Variants in LNX2 observed in about 807,000 individuals in gnomAD.
LNX2 encodes the protein ligand of Numb protein X 2.
LNX2 carries 35 observed loss-of-function variants against 66.2 expected under a neutral mutation model. That is an observed-to-expected ratio of 0.53 (90% CI 0.40 to 0.70). LNX2 has a LOEUF of 0.70. Among genes scored for constraint, LNX2 ranks in the 30% least tolerant of loss-of-function variants. The pLI is 0.00. For missense variants in LNX2, 791 were observed against 850.8 expected (o/e 0.93, Z 0.87); for synonymous variants, 337 against 315.6 (o/e 1.07, Z -0.72).
At chr13:27,594,524 CTTCATTTGTATAG>C (rs762779640) in intron 1 of LNX2, among the ~76,000 whole-genome samples, 8 of 152,000 alleles carry the variant, frequency 5.3e-5, no homozygotes, top group African/African-American at 1.9e-4. Flanking sequence ...CCTCTATTTT[CTTCATTTGTATAG>C]TTCATTTGTA....
intron 1 of LNX2, among the ~76,000 whole-genome samples, chr13:27,595,885 T>G (rs2138438043): frequency 6.6e-6 from 1 of 152,318 alleles, no homozygotes; most frequent in South Asian, 2.1e-4. Context: ...AACAACATAC[T>G]TAGAGCTGTT....
At chr13:27,587,699 A>G (rs996972824) in intron 1 of LNX2, among the ~76,000 whole-genome samples, 11 of 152,222 alleles carry the variant, frequency 7.2e-5, no homozygotes, top group African/African-American at 2.4e-4. Context: ...TATATGTCAC[A>G]TATCAGCTTT....
At chr13:27,585,841 G>A (rs907103084) in intron 1 of LNX2, among the ~76,000 whole-genome samples, 6 of 151,856 alleles carry the variant, frequency 4.0e-5, no homozygotes, top group African/African-American at 1.2e-4. Flanking sequence ...AAGTATTTAA[G>A]ACGATTATAT....
intron 1 of LNX2, among the ~76,000 whole-genome samples, chr13:27,589,684 C>T (rs1405008185): frequency 1.3e-5 from 2 of 152,150 alleles, no homozygotes; most frequent in East Asian, 1.9e-4. Flanking sequence ...CTGATTCCTA[C>T]ACTGAAGACA....
chr13:27,564,062 T>C (rs1955174027), intron 4 of LNX2, among the ~76,000 whole-genome samples: 1 of 152,228 alleles, frequency 6.6e-6, no homozygotes, highest in South Asian at 2.1e-4. Context: ...TTTCCAACTA[T>C]TTAGCTACAA....
intron 2 of LNX2, among the ~76,000 whole-genome samples, chr13:27,570,414 C>T (rs575742162): frequency 6.6e-6 from 1 of 152,318 alleles, no homozygotes; most frequent in South Asian, 2.1e-4. Context: ...TATTTTCCCT[C>T]CTGAACTAAA....
intron 6 of LNX2, 108 bp from the exon 7 acceptor site, chr13:27,556,521 AT>A: frequency 1.1e-6 from 1 of 923,666 alleles, no homozygotes; most frequent in African/African-American, 1.7e-5. Flanking sequence ...TAAAGTAATT[AT>A]TTTTTATTCC....
At chr13:27,574,278 C>T (rs1955319215) in intron 2 of LNX2, among the ~76,000 whole-genome samples, 1 of 152,166 alleles carries the variant, frequency 6.6e-6, no homozygotes, top group Non-Finnish European at 1.5e-5. Context: ...AACCCCGTCT[C>T]TACTAAAAAT....
In LNX2 at chr13:27,583,236, G is replaced by C. The variant is rs1330970616; in HGVS notation, c.-100-1433C>G. On this transcript the variant is annotated intron_variant, in intron 1 of 9. Transcript: ENST00000316334. ...TGTGTGTGTGTGTGTGTGTGTGTGT[G>C]TGTGTGTGTGTGTGTGTGTGCGCGC... 1.4e-3 allele frequency among the ~76,000 whole-genome samples: 31 copies of C among 21,812 alleles called. 7 individuals carry two copies. Among genetic ancestry groups the C allele is most frequent in the African/African-American group, 4.3e-3 (20 of 4,652 alleles). 14.3% of individuals were successfully genotyped at this position (21,812 alleles called of 152,430 possible).
At chr13:27,611,388 G>A (rs575540327) in intron 1 of LNX2, among the ~76,000 whole-genome samples, 95 of 152,228 alleles carry the variant, frequency 6.2e-4, no homozygotes, top group Non-Finnish European at 1.1e-3. Flanking sequence ...ATTTACATGC[G>A]GTATCTAAAG....
chr13:27,591,491 C>G (rs749196843), intron 1 of LNX2, among the ~76,000 whole-genome samples: 13 of 152,182 alleles, frequency 8.5e-5, no homozygotes, highest in Non-Finnish European at 1.8e-4. Context: ...TATTACCTGC[C>G]TTTCTGACAT....
At chr13:27,578,583 C>T (rs1424331908) in intron 2 of LNX2, among the ~76,000 whole-genome samples, 2 of 152,110 alleles carry the variant, frequency 1.3e-5, no homozygotes, top group South Asian at 4.1e-4. Context: ...GGATGCCAGG[C>T]AACTTCAAGG....
At chr13:27,617,454 CAA>C (rs1955839372) in intron 1 of LNX2, among the ~76,000 whole-genome samples, 1 of 152,044 alleles carries the variant, frequency 6.6e-6, no homozygotes, top group African/African-American at 2.4e-5. Flanking sequence ...CCTCATAATA[CAA>C]TTTAAAGATA....
At position 27,569,235 on chromosome 13, in the gene LNX2, C is replaced by T. The variant is rs1955246959; in HGVS notation, c.449G>A (p.Arg150Lys). Reference sequence around the variant, plus strand: ...CTCTGCTTGAGTTCTACTAGTTTTCCTTCTCTCCAGGGCAACTCTCCGATG... The same window carrying T: ...CTCTGCTTGAGTTCTACTAGTTTTCTTTCTCTCCAGGGCAACTCTCCGATG... Reference protein sequence around the residue: ...ASHRRVALERRKTSRTQAEIE... With the variant: ...ASHRRVALERKKTSRTQAEIE... Residue 150 changes from arginine to lysine, a missense_variant, in exon 3 of 10, where the codon AGG becomes AAG. Coordinates refer to ENST00000316334, the MANE Select transcript of LNX2 (RefSeq NM_153371.4). 2.5e-6 allele frequency: 4 copies of T among 1,613,468 alleles called. No homozygotes were observed. The East Asian group carries it at 6.7e-5, about 27-fold the overall frequency.
Position 27,550,332 on chromosome 13 carries a change from C to T in LNX2, c.1937+1G>A. On this transcript the variant is annotated splice_donor_variant, in intron 9 of 9. Transcript: ENST00000316334. LOFTEE classifies it high-confidence loss of function. ...ACATCATTAATTAGAACAAGACTCACTTTAATCTTCCATCATAATAAGCAG... is the reference window on the plus strand; with the variant it reads ...ACATCATTAATTAGAACAAGACTCATTTTAATCTTCCATCATAATAAGCAG... 6.2e-7 allele frequency: 1 copy of T among 1,612,354 alleles called. No homozygotes were observed. Among genetic ancestry groups the T allele is most frequent in the Non-Finnish European group, 8.5e-7 (1 of 1,179,090 alleles).
intron 1 of LNX2, among the ~76,000 whole-genome samples, chr13:27,586,057 T>C (rs1350140819): frequency 1.4e-5 from 2 of 138,070 alleles, no homozygotes; most frequent in African/African-American, 2.7e-5. Flanking sequence ...CATATACTTA[T>C]ATATATAAGG....
rs995708503 is a variant in LNX2 at position 27,569,140 on chromosome 13, C to T, written c.544G>A (p.Gly182Arg). 1.2e-6 allele frequency: 2 copies of T among 1,612,650 alleles called. No individual in the cohort carries two copies. Among genetic ancestry groups the T allele is most frequent in the Admixed American group, 3.3e-5 (2 of 59,748 alleles). Residue 182 changes from glycine (G) to arginine (R), a missense_variant, in exon 3 of 10, where the codon GGG (glycine) becomes AGG (arginine). Transcript: ENST00000316334. ...GTLSPEADCL[G>R]TGAVPVERHL... ...CGCTCCACAGGCACTGCGCCTGTCC[C>T]CAAACAGTCTGCTTCTGGAGATAAG... is the stretch of plus-strand genomic sequence containing the variant.
chr13:27,586,583 T>G (rs1252687753), intron 1 of LNX2, among the ~76,000 whole-genome samples: 1 of 152,252 alleles, frequency 6.6e-6, no homozygotes, highest in African/African-American at 2.4e-5. Flanking sequence ...AATAATGCTT[T>G]CTTTCAGCAA....
intron 1 of LNX2, among the ~76,000 whole-genome samples, chr13:27,598,535 A>C (rs574046046): frequency 6.6e-6 from 1 of 152,292 alleles, no homozygotes; most frequent in East Asian, 1.9e-4. Context: ...ACTTTATATC[A>C]GGCATAGTGT....
Sources: allele counts gnomAD v4.1 joint callset (sites outside exome capture counted in the v4.1 genomes callset), GRCh38; gene constraint gnomAD v4.1.1; transcripts MANE v1.5; gene names NCBI Gene and HGNC (gene_info 2026-07-23, HGNC 2026-07-21).